The following SPATA13 variants were observed in gnomAD, a reference collection of about 807,000 sequenced individuals.
SPATA13 encodes the protein spermatogenesis associated 13.
In SPATA13, 50 loss-of-function variants were observed where a neutral mutation model predicts 104.0. The observed-to-expected ratio is 0.48, with a 90% CI of 0.38 to 0.61. The LOEUF (loss-of-function observed/expected upper bound fraction) is 0.61, where lower values mean the gene tolerates loss of function less well. Ranked by LOEUF, SPATA13 falls within the 20% of genes least tolerant of loss-of-function variation. The pLI, the probability that SPATA13 is intolerant of heterozygous loss-of-function variation, is 0.00. For missense variants in SPATA13, 1,524 were observed against 1,690.6 expected, an observed-to-expected ratio of 0.90 and a Z score of 1.73; for synonymous variants, 606 against 667.5, an observed-to-expected ratio of 0.91 and a Z score of 1.42.
chr13:24,022,051 C>CTT (rs780493002), intron 3 of SPATA13, among the ~76,000 whole-genome samples: 30 of 130,870 alleles, frequency 2.3e-4, no homozygotes, highest in African/African-American at 6.4e-4. Context: ...TCTTTTCTTT[C>CTT]TTTTTTTTTT....
At chr13:24,281,244 C>A (rs886447285) in intron 4 of SPATA13, among the ~76,000 whole-genome samples, 4 of 152,232 alleles carry the variant, frequency 2.6e-5, no homozygotes, top group Non-Finnish European at 4.4e-5. Flanking sequence ...TACTCCTCCC[C>A]CTCCAACCCC....
intron 3 of SPATA13, among the ~76,000 whole-genome samples, chr13:24,095,863 G>C (rs1216980766): frequency 6.6e-6 from 1 of 152,190 alleles, no homozygotes; most frequent in African/African-American, 2.4e-5. Context: ...TCTTGTTTCT[G>C]GTGCCATACC....
At chr13:24,290,145 G>C (rs916151485) in intron 8 of SPATA13, among the ~76,000 whole-genome samples, 15 of 152,202 alleles carry the variant, frequency 9.9e-5, no homozygotes, top group African/African-American at 3.6e-4. Context: ...GAGTACTGCT[G>C]CCACCAGGGA....
chr13:24,189,238 G>A (rs764141205), intron 1 of SPATA13, among the ~76,000 whole-genome samples: 20 of 151,918 alleles, frequency 1.3e-4, no homozygotes, highest in Admixed American at 7.9e-4. Context: ...TTGGGAGGCC[G>A]AGGCCGGTGG....
At chr13:24,132,636 T>C (rs537045826) in intron 3 of SPATA13, among the ~76,000 whole-genome samples, 1 of 152,332 alleles carries the variant, frequency 6.6e-6, no homozygotes, top group Non-Finnish European at 1.5e-5. Flanking sequence ...AAGGCCAGGC[T>C]TAAGAGAAGA....
intron 1 of SPATA13, among the ~76,000 whole-genome samples, chr13:24,207,365 C>A (rs188714874): frequency 3.4e-4 from 52 of 152,288 alleles, no homozygotes; most frequent in African/African-American, 1.2e-3. Flanking sequence ...GCACATGTAC[C>A]CCTGAACTTA....
At chr13:24,291,856 A>C (rs1200642264) in intron 9 of SPATA13, among the ~76,000 whole-genome samples, 2 of 149,790 alleles carry the variant, frequency 1.3e-5, no homozygotes, top group African/African-American at 4.9e-5. Context: ...TCCCGGGTTC[A>C]CGCCATTCTC....
At chr13:24,073,248 A>G (rs1339640613) in intron 3 of SPATA13, among the ~76,000 whole-genome samples, 1 of 152,188 alleles carries the variant, frequency 6.6e-6, no homozygotes, top group Non-Finnish European at 1.5e-5. Flanking sequence ...AATTTAAAAA[A>G]AATTTCTAGG....
At chr13:24,208,113 C>A (rs1244209911) in intron 1 of SPATA13, among the ~76,000 whole-genome samples, 1 of 152,182 alleles carries the variant, frequency 6.6e-6, no homozygotes, top group Admixed American at 6.5e-5. Context: ...CTCAACAAAT[C>A]TGAGGCTGAA....
chr13:24,224,249 G>A lies in SPATA13; in HGVS notation c.1320G>A (p.Leu440=). The A allele has an allele frequency of 6.4e-7, 1 of 1,551,680 alleles. No homozygotes were observed. Among genetic ancestry groups the A allele is most frequent in the Non-Finnish European group, 8.7e-7 (1 of 1,146,984 alleles). ...SLPSPIVQDV[L]SKDSCDPNAG... ...CAAGCCCGATTGTCCAGGATGTGTT[G>A]AGCAAAGACTCCTGTGACCCAAACG... Residue 440 remains leucine, a synonymous_variant, in exon 2 of 13, where the codon TTG becomes TTA. Transcript: ENST00000382108.
intron 1 of SPATA13, among the ~76,000 whole-genome samples, chr13:24,175,725 C>T (rs564573490): frequency 6.7e-4 from 102 of 152,346 alleles, no homozygotes; most frequent in African/African-American, 2.2e-3. Context: ...AGTTTGTTGA[C>T]TACCTCATCT....
At chr13:24,220,085 C>G (rs1036340467) in intron 1 of SPATA13, among the ~76,000 whole-genome samples, 5 of 152,086 alleles carry the variant, frequency 3.3e-5, no homozygotes, top group African/African-American at 7.2e-5. Context: ...TTATCATTGC[C>G]TTGAATTCCT....
At chr13:24,126,150 C>T (rs908451255) in intron 3 of SPATA13, among the ~76,000 whole-genome samples, 3 of 152,208 alleles carry the variant, frequency 2.0e-5, no homozygotes, top group Admixed American at 6.5e-5. Context: ...TGGAATTCCA[C>T]TCACTTCTCT....
chr13:24,275,976 C>T (rs1449712630), intron 4 of SPATA13, among the ~76,000 whole-genome samples: 1 of 152,140 alleles, frequency 6.6e-6, no homozygotes, highest in Non-Finnish European at 1.5e-5. Flanking sequence ...CCAATTTTTT[C>T]AACAAAAGAA....
chr13:24,180,920 TA>T (rs1231405055), intron 1 of SPATA13, among the ~76,000 whole-genome samples: 1 of 152,200 alleles, frequency 6.6e-6, no homozygotes. Context: ...TACACAAAGC[TA>T]GATGGTACAG....
chr13:24,279,032 C>CAGGA (rs1472036442), intron 4 of SPATA13, among the ~76,000 whole-genome samples: 5 of 147,956 alleles, frequency 3.4e-5, no homozygotes, highest in Non-Finnish European at 7.4e-5. Flanking sequence ...GTATGCCAGG[C>CAGGA]AGGAACACAG....
Position 24,223,702 on chromosome 13 carries a change from T to G in SPATA13, c.773T>G (p.Leu258Arg), listed in dbSNP as rs1175448147. The change falls in exon 2 of 13, where the codon CTT becomes CGT. Residue 258 changes from leucine to arginine, a missense_variant. Coordinates refer to ENST00000382108, the MANE Select transcript of SPATA13 (RefSeq NM_001166271.3). ...AGGAGGAGCAAGAGCACGGACAATC[T>G]TGCCTTTCTGAAGAAGAGCTCCTTT... is the stretch of plus-strand genomic sequence containing the variant. ...GYRRSKSTDNLAFLKKSSFKR... is the reference protein window; with the variant it reads ...GYRRSKSTDNRAFLKKSSFKR... 1 of 1,552,212 alleles carries G rather than the reference T, an allele frequency of 6.4e-7. No individual in the cohort carries two copies. The highest frequency in any genetic ancestry group is 1.2e-5 in the South Asian group (1 of 84,070).
rs148114821 is a variant in SPATA13, at chr13:24,228,450, T to C, written c.1653+3868T>C. Among the ~76,000 whole-genome samples the C allele has an allele frequency of 6.0e-3, 914 of 152,306 alleles. 11 individuals carry two copies. The highest frequency in any genetic ancestry group is 0.021 in the African/African-American group (881 of 41,572). ...ACATATATGTCAAAAAGAGAAAATA[T>C]AGTTATGGCTTTACCCATAACTTAT... On this transcript the variant is annotated intron_variant, in intron 2 of 12. Transcript: ENST00000382108.
chr13:24,239,133 G>A (rs929464585), intron 2 of SPATA13, among the ~76,000 whole-genome samples: 1 of 152,198 alleles, frequency 6.6e-6, no homozygotes, highest in Non-Finnish European at 1.5e-5. Flanking sequence ...TGTTCCTCAT[G>A]TATCTGAGAC....
Sources: allele counts gnomAD v4.1 joint callset (sites outside exome capture counted in the v4.1 genomes callset), GRCh38; gene constraint gnomAD v4.1.1; transcripts MANE v1.5; gene names NCBI Gene and HGNC (gene_info 2026-07-23, HGNC 2026-07-21).